AP1S3: variants seen among roughly 807,000 people sequenced by gnomAD.
AP1S3 encodes adaptor related protein complex 1 subunit sigma 3.
Under a neutral mutation model 20.9 loss-of-function variants are expected in AP1S3, and 10 were observed. The ratio of observed to expected loss-of-function variants is 0.48; its 90% CI spans 0.29 to 0.81. AP1S3 has a LOEUF of 0.81. Ranked by LOEUF, AP1S3 falls within the 30% of genes least tolerant of loss-of-function variation. AP1S3 has a pLI of 0.08. For synonymous variants in AP1S3, 41 were observed against 61.5 expected, an observed-to-expected ratio of 0.67 and a Z score of 1.56; for missense variants, 154 against 183.8, an observed-to-expected ratio of 0.84 and a Z score of 0.94.
At chr2:223,789,711 G>A (rs1198927146) in intron 1 of AP1S3, among the ~76,000 whole-genome samples, 3 of 149,600 alleles carry the variant, frequency 2.0e-5, no homozygotes, top group Non-Finnish European at 4.4e-5. Flanking sequence ...GGTGGCACAT[G>A]CCTATGGTCC....
intron 1 of AP1S3, among the ~76,000 whole-genome samples, chr2:223,807,208 A>C (rs985547939): frequency 9.2e-5 from 14 of 152,208 alleles, no homozygotes; most frequent in African/African-American, 3.4e-4. Flanking sequence ...TAGAGGTTGC[A>C]GTCAGCCATG....
chr2:223,779,976 A>C (rs1441479746), intron 1 of AP1S3, among the ~76,000 whole-genome samples: 1 of 152,056 alleles, frequency 6.6e-6, no homozygotes, highest in African/African-American at 2.4e-5. Flanking sequence ...TCAAAAAAAA[A>C]CAAAAAGATT....
At chr2:223,788,336 G>A (rs932978144) in intron 1 of AP1S3, among the ~76,000 whole-genome samples, 1 of 152,060 alleles carries the variant, frequency 6.6e-6, no homozygotes, top group Admixed American at 6.5e-5. Flanking sequence ...TATTTGGCCG[G>A]GCGTGGTGGC....
At position 223,825,686 on chromosome 2, in the gene AP1S3, G is replaced by GT. The variant is rs201406038; in HGVS notation, c.3+11761_3+11762insA. On this transcript the variant is annotated intron_variant, in intron 1 of 4. Coordinates refer to ENST00000396654, the MANE Select transcript of AP1S3 (RefSeq NM_001039569.2). Reference sequence around the variant, plus strand: ...CAAGAAACAGATCTTATATTTGTGGGGTTTTTTTTCCTATTAATAATAACC... The same window carrying GT: ...CAAGAAACAGATCTTATATTTGTGGGTGTTTTTTTTCCTATTAATAATAACC... 4.5e-3 allele frequency among the ~76,000 whole-genome samples: 520 copies of GT among 116,534 alleles called. 1 individual carries two copies. Among genetic ancestry groups the GT allele is most frequent in the Middle Eastern group, 0.037 (8 of 216 alleles). 76.5% of individuals were successfully genotyped at this position (116,534 alleles called of 152,430 possible).
At chr2:223,760,268 T>C (rs955299395) in intron 4 of AP1S3, among the ~76,000 whole-genome samples, 18 of 152,200 alleles carry the variant, frequency 1.2e-4, no homozygotes, top group Non-Finnish European at 5.9e-5. Flanking sequence ...CAAGTTCAAC[T>C]TGTTCTTAAG....
chr2:223,770,442 A>G, intron 3 of AP1S3: 1 of 1,426,290 alleles, frequency 7.0e-7, no homozygotes, highest in Non-Finnish European at 9.3e-7. Flanking sequence ...AATTTACTGT[A>G]CTAGTTTCAA....
intron 3 of AP1S3, 102 bp downstream of exon 3, chr2:223,775,799 T>C (rs1690769475): frequency 1.2e-6 from 1 of 862,726 alleles, no homozygotes. Context: ...TCAATTCATA[T>C]TTTAGATGTG....
chr2:223,797,253 G>C (rs1228129592), intron 1 of AP1S3, among the ~76,000 whole-genome samples: 6 of 152,124 alleles, frequency 3.9e-5, no homozygotes, highest in African/African-American at 1.4e-4. Flanking sequence ...TAAGGGTAAA[G>C]ATCAGCATCA....
chr2:223,759,066 G>A (rs1488220701), intron 4 of AP1S3, among the ~76,000 whole-genome samples: 1 of 152,144 alleles, frequency 6.6e-6, no homozygotes, highest in African/African-American at 2.4e-5. Flanking sequence ...GGCTGAGGTG[G>A]GCAGATCACC....
chr2:223,832,135 C>CTGTGTGTG (rs774812162), intron 1 of AP1S3, among the ~76,000 whole-genome samples: 2,767 of 70,526 alleles, frequency 0.039, 66 homozygotes, highest in African/African-American at 0.045. Flanking sequence ...AGTTTTCTCT[C>CTGTGTGTG]TGTGTGTGTG....
At chr2:223,818,994 T>C (rs1252324867) in intron 1 of AP1S3, among the ~76,000 whole-genome samples, 1 of 152,234 alleles carries the variant, frequency 6.6e-6, no homozygotes, top group Non-Finnish European at 1.5e-5. Context: ...ATAAAGTAAT[T>C]GTAGGGCTAA....
chr2:223,824,865 C>CT (rs1364788955), intron 1 of AP1S3, among the ~76,000 whole-genome samples: 1 of 152,108 alleles, frequency 6.6e-6, no homozygotes, highest in Non-Finnish European at 1.5e-5. Context: ...TTTTTTAACT[C>CT]TAACTTTTTT....
chr2:223,821,847 C>T (rs1691993912), intron 1 of AP1S3, among the ~76,000 whole-genome samples: 1 of 152,162 alleles, frequency 6.6e-6, no homozygotes, highest in Non-Finnish European at 1.5e-5. Context: ...TTCATAGAGA[C>T]ATATTATTAT....
chr2:223,758,039 C>T lies in AP1S3; in HGVS notation c.*676G>A. On this transcript the variant is annotated 3_prime_UTR_variant, in exon 5 of 5. Transcript: ENST00000396654. ...ACCTTATTGGAATGTCCCTTATATT[C>T]AATTAAAAGATAAATTAAAACCTCA... The T allele has an allele frequency of 1.0e-6, 1 of 978,576 alleles. No homozygotes were observed. Among genetic ancestry groups the T allele is most frequent in the Non-Finnish European group, 1.2e-6 (1 of 823,854 alleles). The allele number at this position is 978,576 out of a possible 1,614,324, so 60.6% of individuals were successfully genotyped here.
chr2:223,756,023 T>A lies in AP1S3; in HGVS notation c.*2692A>T. On this transcript the variant is annotated 3_prime_UTR_variant, in exon 5 of 5. Transcript: ENST00000396654. ...CTATGATGGATTTACATGAGGTCCA[T>A]CTTTACAAAATTGTATTGAAAAATA... 1 of 985,468 alleles carries A rather than the reference T, an allele frequency of 1.0e-6. No homozygotes were observed. The highest frequency in any genetic ancestry group is 1.2e-6 in the Non-Finnish European group (1 of 829,936). 61.0% of individuals were successfully genotyped at this position (985,468 alleles called of 1,614,324 possible).
At chr2:223,800,043 C>T (rs1327929436) in intron 1 of AP1S3, among the ~76,000 whole-genome samples, 2 of 151,754 alleles carry the variant, frequency 1.3e-5, no homozygotes, top group Non-Finnish European at 2.9e-5. Context: ...GGCAAAACCC[C>T]ATCTCTACTA....
intron 1 of AP1S3, among the ~76,000 whole-genome samples, chr2:223,804,881 T>A (rs1436950904): frequency 6.6e-6 from 1 of 152,200 alleles, no homozygotes; most frequent in East Asian, 1.9e-4. Context: ...TTTGCAGCAG[T>A]GTTACAGGGA....
chr2:223,833,081 G>C (rs79573890), intron 1 of AP1S3, among the ~76,000 whole-genome samples: 10 of 152,056 alleles, frequency 6.6e-5, no homozygotes, highest in African/African-American at 2.4e-4. Flanking sequence ...TCAATGGGTG[G>C]CTCTACTGTT....
intron 1 of AP1S3, among the ~76,000 whole-genome samples, chr2:223,780,524 C>G (rs1690919439): frequency 6.6e-6 from 1 of 151,448 alleles, no homozygotes; most frequent in Non-Finnish European, 1.5e-5. Flanking sequence ...CTCCCAGGCT[C>G]AAGTGATTCC....
Sources: gnomAD v4.1 joint callset for allele counts (sites outside exome capture counted in the v4.1 genomes callset) on GRCh38, gnomAD v4.1.1 for gene constraint, MANE v1.5 for transcripts, NCBI Gene and HGNC (gene_info 2026-07-23, HGNC 2026-07-21) for gene names.